SLC17A1: variants seen among roughly 807,000 people sequenced by gnomAD.
SLC17A1 encodes sodium-dependent phosphate transport protein 1.
A neutral mutation model predicts 53.5 loss-of-function variants in SLC17A1; 51 were observed. The observed-to-expected ratio is 0.95, with a 90% CI of 0.76 to 1.20. The LOEUF (loss-of-function observed/expected upper bound fraction) is 1.20, where lower values mean the gene tolerates loss of function less well. SLC17A1 is among the 50% of genes most tolerant of loss of function. SLC17A1 has a pLI of 0.00. For missense variants in SLC17A1, 538 were observed against 568.2 expected (o/e 0.95, Z 0.54); for synonymous variants, 179 against 198.8 (o/e 0.90, Z 0.84).
the SLC17A1 span, among the ~76,000 whole-genome samples, chr6:25,728,002 A>T: frequency 6.6e-6 from 1 of 152,134 alleles, no homozygotes; most frequent in African/African-American, 2.4e-5. Context: ...TGACAGCGAG[A>T]CTGTCTCAAA....
the SLC17A1 span, chr6:25,726,263 G>C: frequency 6.2e-7 from 1 of 1,613,858 alleles, no homozygotes; most frequent in East Asian, 2.2e-5. Context: ...TCATCATTGC[G>C]GATCGCTAGC....
the SLC17A1 span, chr6:25,770,047 T>C: frequency 5.0e-6 from 8 of 1,599,084 alleles, no homozygotes; most frequent in East Asian, 2.2e-5. Flanking sequence ...AGACAAACAG[T>C]AACTCTCTTT....
chr6:25,786,167 G>A (rs146839278), intron 12 of SLC17A1, among the ~76,000 whole-genome samples: 3 of 152,334 alleles, frequency 2.0e-5, no homozygotes, highest in East Asian at 1.9e-4. Context: ...GTATTGCTAC[G>A]TGCTACGACA....
chr6:25,755,272 G>C, the SLC17A1 span, among the ~76,000 whole-genome samples: 1 of 152,140 alleles, frequency 6.6e-6, no homozygotes, highest in Non-Finnish European at 1.5e-5. Flanking sequence ...GTTCTGGTTT[G>C]GTTCCAGCGA....
chr6:25,798,708 G>A (rs575266080), intron 12 of SLC17A1, 75 bp downstream of exon 12: 15 of 1,370,988 alleles, frequency 1.1e-5, no homozygotes, highest in Admixed American at 5.7e-5. Flanking sequence ...CTTCTCGTCT[G>A]AGGAGTCATC....
chr6:25,728,954 G>C, the SLC17A1 span, among the ~76,000 whole-genome samples: 2 of 152,210 alleles, frequency 1.3e-5, no homozygotes, highest in South Asian at 2.1e-4. Context: ...TGACAAATTG[G>C]GGGGAAGGGG....
the SLC17A1 span, among the ~76,000 whole-genome samples, chr6:25,760,183 C>A: frequency 9.2e-5 from 14 of 152,152 alleles, no homozygotes; most frequent in Non-Finnish European, 1.8e-4. Flanking sequence ...ATATCCATGT[C>A]CTTGATAGCA....
chr6:25,733,782 C>CTGTGTGTGTG, the SLC17A1 span, among the ~76,000 whole-genome samples: 2 of 144,644 alleles, frequency 1.4e-5, no homozygotes, highest in African/African-American at 5.3e-5. Flanking sequence ...AAGCCTAATA[C>CTGTGTGTGTG]TGTGTGTGTG....
At chr6:25,805,983 T>C (rs942728328) in intron 10 of SLC17A1, among the ~76,000 whole-genome samples, 2 of 152,224 alleles carry the variant, frequency 1.3e-5, no homozygotes, top group African/African-American at 4.8e-5. Context: ...ACTGAAACTA[T>C]TCCAAAAGAT....
At chr6:25,752,748 C>T in the SLC17A1 span, among the ~76,000 whole-genome samples, 1 of 151,986 alleles carries the variant, frequency 6.6e-6, no homozygotes, top group Non-Finnish European at 1.5e-5. Context: ...GTCAGGAGAT[C>T]GAGACCATCC....
chr6:25,785,967 G>A (rs1320042933), intron 12 of SLC17A1, among the ~76,000 whole-genome samples: 2 of 152,178 alleles, frequency 1.3e-5, no homozygotes, highest in African/African-American at 4.8e-5. Flanking sequence ...AACTCCACTT[G>A]TAGGTATATA....
At chr6:25,734,754 A>G in the SLC17A1 span, among the ~76,000 whole-genome samples, 1 of 152,268 alleles carries the variant, frequency 6.6e-6, no homozygotes, top group East Asian at 1.9e-4. Flanking sequence ...ATTTGTTAAT[A>G]TGTTTAGATG....
the SLC17A1 span, chr6:25,773,187 C>T: frequency 9.9e-7 from 1 of 1,008,628 alleles, no homozygotes; most frequent in Non-Finnish European, 1.6e-6. Flanking sequence ...TGAGGCCAGT[C>T]ACTCTGTCAA....
At chr6:25,815,165 G>GAAAGAGAAAAAAAAGAAA (rs1399787622) in intron 6 of SLC17A1, among the ~76,000 whole-genome samples, 8 of 129,004 alleles carry the variant, frequency 6.2e-5, no homozygotes, top group African/African-American at 2.3e-4. Context: ...GAGAAAGAGA[G>GAAAGAGAAAAAAAAGAAA]AAAGAGAAAA....
At chr6:25,802,738 A>G (rs922270077) in intron 10 of SLC17A1, among the ~76,000 whole-genome samples, 2 of 151,720 alleles carry the variant, frequency 1.3e-5, no homozygotes, top group African/African-American at 4.8e-5. Flanking sequence ...CAATTCTATT[A>G]TTGCTTTTTT....
the SLC17A1 span, among the ~76,000 whole-genome samples, chr6:25,768,041 C>T: frequency 6.6e-6 from 1 of 152,162 alleles, no homozygotes; most frequent in Non-Finnish European, 1.5e-5. Flanking sequence ...CTCTTCTTGA[C>T]TAGAAGACAA....
intron 11 of SLC17A1, 26 bp from the exon 12 acceptor site, chr6:25,798,945 T>C (rs1763669973): frequency 6.6e-7 from 1 of 1,525,616 alleles, no homozygotes; most frequent in Non-Finnish European, 8.9e-7. Context: ...TCAAAGTAAT[T>C]GTAAATTATT....
Position 25,819,589 on chromosome 6 carries a change from C to A in SLC17A1, c.451G>T (p.Ala151Ser). The A allele has an allele frequency of 6.2e-7, 1 of 1,613,972 alleles. No homozygotes were observed. Among genetic ancestry groups the A allele is most frequent in the Non-Finnish European group, 8.5e-7 (1 of 1,179,854 alleles). The change falls in exon 5 of 13, where the codon GCA (alanine) becomes TCA (serine). Residue 151 changes from alanine to serine, a missense_variant. Coordinates refer to ENST00000244527, the MANE Select transcript of SLC17A1 (RefSeq NM_005074.5). Reference protein sequence around the residue: ...AVQGAAQGIVATAQFEIYVKW... With the variant: ...AVQGAAQGIVSTAQFEIYVKW... Reference sequence around the variant, plus strand: ...ACATATATTTCAAACTGGGCTGTTGCAACTATCCCCTGAAATGAGAAAGGT... The same window carrying A: ...ACATATATTTCAAACTGGGCTGTTGAAACTATCCCCTGAAATGAGAAAGGT...
the SLC17A1 span, among the ~76,000 whole-genome samples, chr6:25,771,510 G>A: frequency 3.9e-5 from 6 of 152,108 alleles, no homozygotes; most frequent in African/African-American, 1.4e-4. Flanking sequence ...GGAGGTGGAG[G>A]GTGCAGTGAG....
Sources: gnomAD v4.1 joint callset for allele counts (sites outside exome capture counted in the v4.1 genomes callset) on GRCh38, gnomAD v4.1.1 for gene constraint, MANE v1.5 for transcripts, NCBI Gene and HGNC (gene_info 2026-07-23, HGNC 2026-07-21) for gene names.